The following PTPRQ variants were observed in gnomAD, a reference collection of about 807,000 sequenced individuals.
The protein encoded by PTPRQ is phosphatidylinositol phosphatase PTPRQ.
PTPRQ carries 199 observed loss-of-function variants against 246.0 expected under a neutral mutation model. The ratio of observed to expected loss-of-function variants is 0.81; its 90% confidence interval spans 0.72 to 0.91. The LOEUF is 0.91. PTPRQ is among the 40% of genes least tolerant of loss of function. The probability of loss-of-function intolerance (pLI) is 0.00; values close to 1 mark genes in which losing one functional copy is unlikely to be tolerated. For missense variants in PTPRQ, 2,624 were observed against 2,528.4 expected, an observed-to-expected ratio of 1.04 and a Z score of -0.81; for synonymous variants, 869 against 853.2, an observed-to-expected ratio of 1.02 and a Z score of -0.32.
intron 7 of PTPRQ, among the ~76,000 whole-genome samples, chr12:80,470,591 A>G (rs948616161): frequency 2.0e-5 from 3 of 152,204 alleles, no homozygotes; most frequent in African/African-American, 4.8e-5. Flanking sequence ...AGTGACATCA[A>G]TTAATGGCTT....
chr12:80,541,481 A>G, intron 20 of PTPRQ, 74 bp from the exon 21 acceptor site: 1 of 1,245,564 alleles, frequency 8.0e-7, no homozygotes, highest in Non-Finnish European at 1.0e-6. Flanking sequence ...TTCAACAATT[A>G]TACTCAGTTT....
chr12:80,598,228 T>G (rs2121056985), intron 26 of PTPRQ, among the ~76,000 whole-genome samples: 1 of 152,022 alleles, frequency 6.6e-6, no homozygotes, highest in Admixed American at 6.6e-5. Context: ...CACCTTGCGG[T>G]TAGGAAATCT....
chr12:80,670,006 A>C (rs1257555413), intron 41 of PTPRQ, among the ~76,000 whole-genome samples: 1 of 152,092 alleles, frequency 6.6e-6, no homozygotes, highest in Non-Finnish European at 1.5e-5. Context: ...ATACCTGTGT[A>C]TGGAATAATT....
At chr12:80,586,307 A>G (rs1395587110) in intron 25 of PTPRQ, among the ~76,000 whole-genome samples, 1 of 151,582 alleles carries the variant, frequency 6.6e-6, no homozygotes, top group Non-Finnish European at 1.5e-5. Context: ...GCTCATCATC[A>G]CTGGCCATCA....
At chr12:80,509,232 AT>A (rs35677653) in intron 16 of PTPRQ, among the ~76,000 whole-genome samples, 2 of 152,026 alleles carry the variant, frequency 1.3e-5, no homozygotes, top group Non-Finnish European at 2.9e-5. Context: ...GCTCAATAAA[AT>A]TTTTTTGGAA....
chr12:80,586,653 T>G (rs1281262879), intron 25 of PTPRQ: 4 of 152,228 alleles, frequency 2.6e-5, no homozygotes, highest in Non-Finnish European at 5.9e-5. Context: ...GAAACTCTCC[T>G]TCTTCTCATT....
At chr12:80,481,107 T>C (rs1894032900) in intron 8 of PTPRQ, among the ~76,000 whole-genome samples, 1 of 152,282 alleles carries the variant, frequency 6.6e-6, no homozygotes, top group Non-Finnish European at 1.5e-5. Flanking sequence ...TTGATGAACA[T>C]TGATGCAAAA....
intron 17 of PTPRQ, among the ~76,000 whole-genome samples, chr12:80,514,402 A>ACACACACACACACTCT (rs552667526): frequency 8.1e-4 from 92 of 113,022 alleles, no homozygotes; most frequent in South Asian, 3.9e-3. Flanking sequence ...ACACACACAC[A>ACACACACACACACTCT]CTCTCTCTCT....
intron 26 of PTPRQ, among the ~76,000 whole-genome samples, chr12:80,596,992 A>G (rs1381421828): frequency 6.6e-6 from 1 of 152,028 alleles, no homozygotes; most frequent in African/African-American, 2.4e-5. Context: ...CACAGAGTCT[A>G]CACTCTTAGA....
intron 26 of PTPRQ, among the ~76,000 whole-genome samples, chr12:80,599,738 G>A (rs900802099): frequency 1.3e-5 from 2 of 151,392 alleles, no homozygotes; most frequent in African/African-American, 2.4e-5. Context: ...ATAATTAAGT[G>A]CTGTTTTATA....
chr12:80,649,032 C>A, intron 36 of PTPRQ, 109 bp downstream of exon 36: 3 of 1,048,736 alleles, frequency 2.9e-6, no homozygotes, highest in Non-Finnish European at 3.9e-6. Context: ...GTTGGAAAAA[C>A]CTCCAAGCTG....
intron 3 of PTPRQ, 94 bp downstream of exon 3, chr12:80,445,811 T>C: frequency 1.2e-6 from 1 of 820,340 alleles, no homozygotes; most frequent in Non-Finnish European, 2.0e-6. Flanking sequence ...CCTTTACAGC[T>C]GAATACAGTC....
chr12:80,521,683 C>T (rs1330599406), intron 17 of PTPRQ, among the ~76,000 whole-genome samples: 1 of 151,992 alleles, frequency 6.6e-6, no homozygotes, highest in African/African-American at 2.4e-5. Context: ...AGATATGAGG[C>T]GTTATTTCTG....
chr12:80,669,633 A>G (rs981512976), intron 41 of PTPRQ, among the ~76,000 whole-genome samples, 169 bp downstream of exon 41: 3 of 152,060 alleles, frequency 2.0e-5, no homozygotes, highest in African/African-American at 7.2e-5. Flanking sequence ...CAACTTTAGT[A>G]TCAATGTCAC....
At chr12:80,483,831 G>A (rs966427233) in intron 8 of PTPRQ, among the ~76,000 whole-genome samples, 4 of 151,854 alleles carry the variant, frequency 2.6e-5, no homozygotes, top group East Asian at 3.9e-4. Flanking sequence ...GTGAACATGC[G>A]GCGTTTGGTT....
chr12:80,566,073 T>C (rs1233575352), intron 25 of PTPRQ, among the ~76,000 whole-genome samples: 1 of 152,228 alleles, frequency 6.6e-6, no homozygotes, highest in African/African-American at 2.4e-5. Flanking sequence ...TCTAGATACC[T>C]TTTTATGCAG....
chr12:80,609,834 T>A (rs1898481164), intron 27 of PTPRQ, among the ~76,000 whole-genome samples: 1 of 150,608 alleles, frequency 6.6e-6, no homozygotes, highest in Non-Finnish European at 1.5e-5. Flanking sequence ...TGTGTTACAG[T>A]CATAAGATAC....
intron 35 of PTPRQ, among the ~76,000 whole-genome samples, chr12:80,645,419 C>T (rs1900037399): frequency 6.6e-6 from 1 of 151,938 alleles, no homozygotes; most frequent in African/African-American, 2.4e-5. Flanking sequence ...CAGATATTCC[C>T]TCACAATAAA....
At chr12:80,481,529 A>G (rs1174901575) in intron 8 of PTPRQ, among the ~76,000 whole-genome samples, 1 of 152,114 alleles carries the variant, frequency 6.6e-6, no homozygotes, top group South Asian at 2.1e-4. Context: ...GCCCAGGGCA[A>G]TTAGGCAGGA....
Sources: allele counts gnomAD v4.1 joint callset (sites outside exome capture counted in the v4.1 genomes callset), GRCh38; gene constraint gnomAD v4.1.1; transcripts MANE v1.5; gene names NCBI Gene and HGNC (gene_info 2026-07-23, HGNC 2026-07-21).